Variants in RBP7 observed in about 807,000 individuals in gnomAD.
RBP7 encodes the protein retinol binding protein 7.
Under a neutral mutation model 16.7 loss-of-function variants are expected in RBP7, and 13 were observed. The ratio of observed to expected loss-of-function variants is 0.78; its 90% confidence interval spans 0.51 to 1.24. RBP7 has a LOEUF of 1.24. Among genes scored for constraint, RBP7 ranks in the 50% most tolerant of loss-of-function variants. The pLI is 0.00. For missense variants in RBP7, 145 were observed against 159.5 expected, an observed-to-expected ratio of 0.91 and a Z score of 0.49; for synonymous variants, 54 against 56.2, an observed-to-expected ratio of 0.96 and a Z score of 0.17.
Position 9,997,473 on chromosome 1 carries a change from A to G in RBP7, c.73+142A>G. 2 of 740,440 alleles carry G rather than the reference A, an allele frequency of 2.7e-6. No individual in the cohort carries two copies. The highest frequency in any genetic ancestry group is 4.4e-6 in the Non-Finnish European group (2 of 452,902). 45.9% of individuals were successfully genotyped at this position (740,440 alleles called of 1,614,324 possible). A position where few individuals can be genotyped will look rare whatever the true frequency, so the allele number is the denominator to read the frequency against. On this transcript the variant is annotated intron_variant, in intron 1 of 3. Coordinates refer to ENST00000294435, the MANE Select transcript of RBP7 (RefSeq NM_052960.3). This position sits in a 1 kb window ranked among gnomAD's most constrained non-coding sequence, Gnocchi z 5.9. ...GCCCACCGTCGCCCAGTCGCCCCCGAGTCCGCTGGTCCTTGGCGCCTCCGT... is the reference window on the plus strand; with the variant it reads ...GCCCACCGTCGCCCAGTCGCCCCCGGGTCCGCTGGTCCTTGGCGCCTCCGT...
At chr1:10,008,330 G>T in intron 3 of RBP7, 56 bp downstream of exon 3, 2 of 1,196,056 alleles carry the variant, frequency 1.7e-6, no homozygotes, top group Non-Finnish European at 2.5e-6. Flanking sequence ...GAAACATCAG[G>T]CCAAGCGTGG....
intron 2 of RBP7, 91 bp downstream of exon 2, chr1:10,007,839 T>A: frequency 8.4e-7 from 1 of 1,193,358 alleles, no homozygotes; most frequent in Non-Finnish European, 1.2e-6. Flanking sequence ...CTGAGGTCAG[T>A]AGTTTGAGAC....
chr1:10,000,785 G>C (rs1181468939), intron 1 of RBP7, among the ~76,000 whole-genome samples: 3 of 151,904 alleles, frequency 2.0e-5, no homozygotes, highest in African/African-American at 7.3e-5. Flanking sequence ...GCCCAGGCTA[G>C]AGTGCAGTGG....
At chr1:10,008,129 G>A (rs1402337449) in intron 2 of RBP7, 44 bp from the exon 3 acceptor site, 1 of 1,276,142 alleles carries the variant, frequency 7.8e-7, no homozygotes, top group Admixed American at 1.7e-5. Context: ...AACACTTGAG[G>A]ATCCTGCCAG....
Position 9,997,316 on chromosome 1 carries a change from T to C in RBP7, c.58T>C (p.Tyr20His). The C allele has an allele frequency of 1.2e-6, 2 of 1,611,388 alleles. No homozygotes were observed. The highest frequency in any genetic ancestry group is 4.5e-5 in the East Asian group (2 of 44,770). Residue 20 changes from tyrosine to histidine, a missense_variant, in exon 1 of 4, where the codon TAC (tyrosine) becomes CAC (histidine). Coordinates refer to ENST00000294435, the MANE Select transcript of RBP7 (RefSeq NM_052960.3). The surrounding 1 kb of genome is among the most constrained non-coding windows in gnomAD (Gnocchi z 5.9). Reference sequence around the variant, plus strand: ...GCTCAGCAGCGACAACTTCGAGGGCTACATGCTGGCCCTAGGTAAGGCGGA... The same window carrying C: ...GCTCAGCAGCGACAACTTCGAGGGCCACATGCTGGCCCTAGGTAAGGCGGA... ...TLLSSDNFEG[Y>H]MLALGIDFAT...
intron 1 of RBP7, among the ~76,000 whole-genome samples, chr1:10,001,212 C>T (rs998910759): frequency 6.6e-6 from 1 of 152,172 alleles, no homozygotes; most frequent in African/African-American, 2.4e-5. Context: ...GGAACTGATC[C>T]TGCAGCTCCC....
chr1:10,005,623 GCAC>G (rs1642418882), intron 1 of RBP7, among the ~76,000 whole-genome samples: 1 of 150,946 alleles, frequency 6.6e-6, no homozygotes, highest in Non-Finnish European at 1.5e-5. Context: ...GAGTGCAGTC[GCAC>G]GATCTCGGCT....
intron 3 of RBP7, among the ~76,000 whole-genome samples, chr1:10,012,715 C>A (rs1234145136): frequency 2.0e-5 from 3 of 151,840 alleles, no homozygotes; most frequent in Admixed American, 2.0e-4. Flanking sequence ...AGGTGGATCA[C>A]CTGAGGTCAG....
intron 1 of RBP7, among the ~76,000 whole-genome samples, chr1:10,001,809 GTTTATTTA>G (rs112287943): frequency 3.0e-4 from 44 of 145,626 alleles, no homozygotes; most frequent in South Asian, 6.5e-4. Context: ...AATTTAATTA[GTTTATTTA>G]TTTATTTATT....
At chr1:10,006,762 TATAG>T (rs1250895269) in intron 1 of RBP7, among the ~76,000 whole-genome samples, 4 of 146,442 alleles carry the variant, frequency 2.7e-5, no homozygotes, top group South Asian at 2.1e-4. Flanking sequence ...TATATATATA[TATAG>T]AGAGAGAGAG....
At chr1:10,007,815 C>T (rs901676469) in intron 2 of RBP7, 67 bp downstream of exon 2, 30 of 1,420,510 alleles carry the variant, frequency 2.1e-5, no homozygotes, top group Admixed American at 1.6e-4. Flanking sequence ...GGGAGGCCAA[C>T]GCAGGCGGAC....
intron 3 of RBP7, among the ~76,000 whole-genome samples, chr1:10,015,569 T>A (rs1232697020): frequency 1.3e-5 from 2 of 150,348 alleles, no homozygotes; most frequent in Non-Finnish European, 3.0e-5. Context: ...GGGGCTGAGG[T>A]GGGAGGATCG....
intron 1 of RBP7, among the ~76,000 whole-genome samples, chr1:10,005,603 G>GC (rs1254280694): frequency 1.4e-5 from 2 of 147,508 alleles, no homozygotes; most frequent in East Asian, 4.1e-4. Context: ...TTGCTCTGTT[G>GC]CCCAGGCTGG....
chr1:10,015,665 A>G (rs1428193589), intron 3 of RBP7, 117 bp from the exon 4 acceptor site: 3 of 874,664 alleles, frequency 3.4e-6, no homozygotes, highest in Non-Finnish European at 5.5e-6. Flanking sequence ...CCCATCTCAT[A>G]AAAGAAAAAA....
chr1:10,011,933 G>T (rs1642631158), intron 3 of RBP7, among the ~76,000 whole-genome samples: 1 of 151,982 alleles, frequency 6.6e-6, no homozygotes, highest in South Asian at 2.1e-4. Flanking sequence ...CGGGCGCAGT[G>T]GCTCATGCCT....
rs531442038 is a variant in RBP7, at chr1:10,009,634, C to T, written c.354+1360C>T. ...GCAACCTCTGCCTCCTGGGTTCAAG[C>T]GATCCTCCCACCTCAGCCTCCCGAG... On this transcript the variant is annotated intron_variant, in intron 3 of 3. Transcript: ENST00000294435. Among the ~76,000 whole-genome samples, 99 of 151,360 alleles carry T rather than the reference C, an allele frequency of 6.5e-4. 2 individuals carry two copies. The highest frequency in any genetic ancestry group is 3.5e-3 in the South Asian group (17 of 4,798).
In RBP7 at chr1:10,008,280, C is replaced by T; in HGVS notation, c.354+6C>T. On this transcript the variant is annotated splice_donor_region_variant and intron_variant, in intron 3 of 3. Transcript: ENST00000294435. Reference sequence around the variant, plus strand: ...AAGGAGACAAACTCCACCTGGTATCCACCACATTTTGTTCTTAATGAGATG... The same window carrying T: ...AAGGAGACAAACTCCACCTGGTATCTACCACATTTTGTTCTTAATGAGATG... 6.4e-7 allele frequency: 1 copy of T among 1,573,320 alleles called. No homozygotes were observed. The highest frequency in any genetic ancestry group is 8.7e-7 in the Non-Finnish European group (1 of 1,143,486).
rs1195138807 is a variant in RBP7, at chr1:10,005,235, T to C, written c.74-2335T>C. Among the ~76,000 whole-genome samples, 8 of 152,298 alleles carry C rather than the reference T, an allele frequency of 5.3e-5. No individual in the cohort carries two copies. The South Asian group carries it at 1.2e-3, about 24-fold the overall frequency. On this transcript the variant is annotated intron_variant, in intron 1 of 3. Coordinates refer to ENST00000294435, the MANE Select transcript of RBP7 (RefSeq NM_052960.3). ...TTTGTTCATTTGTTTGTTTTTGAGA[T>C]GGAGTTTTACTCCGTCCCCAGGCTA...
intron 1 of RBP7, among the ~76,000 whole-genome samples, chr1:10,005,509 T>C (rs979732995): frequency 6.6e-5 from 10 of 151,948 alleles, no homozygotes; most frequent in African/African-American, 2.2e-4. Flanking sequence ...GCTACAAAAA[T>C]TTTTTCTTAG....
Sources: gnomAD v4.1 joint callset for allele counts (sites outside exome capture counted in the v4.1 genomes callset) on GRCh38, gnomAD v4.1.1 for gene constraint, Gnocchi (gnomAD v3.1) non-coding constraint, MANE v1.5 for transcripts, NCBI Gene and HGNC (gene_info 2026-07-23, HGNC 2026-07-21) for gene names.